Variants in NVL observed in about 807,000 individuals in gnomAD.
NVL encodes the protein nuclear valosin-containing protein-like.
NVL carries 84 observed loss-of-function variants against 110.2 expected under a neutral mutation model. That is an observed-to-expected ratio of 0.76 (90% confidence interval 0.64 to 0.91). The LOEUF (loss-of-function observed/expected upper bound fraction) is 0.91. Ranked by LOEUF, NVL falls within the 40% of genes least tolerant of loss-of-function variation. NVL has a pLI of 0.00. For synonymous variants in NVL, 354 were observed against 361.1 expected (o/e 0.98, Z 0.22); for missense variants, 882 against 1,035.9 (o/e 0.85, Z 2.04).
Position 224,287,730 on chromosome 1 carries a change from T to G in NVL, c.1794+45A>C. ...ATGCATGGAGCTTTATCTCTGGTCT[T>G]TAATCCATGACATGCCAATAATATT... On this transcript the variant is annotated intron_variant, in intron 14 of 22. Coordinates refer to ENST00000281701, the MANE Select transcript of NVL (RefSeq NM_002533.4). 2.0e-6 allele frequency: 3 copies of G among 1,535,074 alleles called. 1 individual carries two copies. In the South Asian group the frequency reaches 3.4e-5, roughly 17 times the overall value.
chr1:224,281,446 G>A (rs1458043903), intron 15 of NVL, among the ~76,000 whole-genome samples: 2 of 151,578 alleles, frequency 1.3e-5, no homozygotes, highest in South Asian at 2.1e-4. Context: ...GACTACAGGC[G>A]CCCGCCACCA....
intron 18 of NVL, chr1:224,256,862 C>A: frequency 2.7e-6 from 1 of 368,420 alleles, no homozygotes; most frequent in Non-Finnish European, 5.4e-6. Context: ...ATTCCACTTT[C>A]CCACATCCTT....
intron 17 of NVL, among the ~76,000 whole-genome samples, chr1:224,271,586 C>T (rs771227414): frequency 3.3e-5 from 5 of 152,058 alleles, no homozygotes; most frequent in African/African-American, 4.8e-5. Flanking sequence ...TAAATGACAA[C>T]TATTAGCAGT....
chr1:224,240,061 A>ATTTT lies in NVL; in HGVS notation c.2290-3483_2290-3480dup, dbSNP rs34586586. Among the ~76,000 whole-genome samples, 36 of 90,936 alleles carry ATTTT rather than the reference A, an allele frequency of 4.0e-4. 2 individuals are homozygous for ATTTT. Among genetic ancestry groups the ATTTT allele is most frequent in the East Asian group, 3.6e-3 (11 of 3,068 alleles). The allele number at this position is 90,936 out of a possible 152,430, so 59.7% of individuals were successfully genotyped here. A position where few individuals can be genotyped will look rare whatever the true frequency, so the allele number is the denominator to read the frequency against. ...CAGGCATGCGCTACCACGCTGGGTA[A>ATTTT]TTTTTTTTTTTTTTTTTTTTTTGAG... On this transcript the variant is annotated intron_variant, in intron 19 of 22. Transcript: ENST00000281701.
At position 224,330,154 on chromosome 1, in the gene NVL, G is replaced by T. The variant is rs16846702; in HGVS notation, c.-27C>A. On this transcript the variant is annotated 5_prime_UTR_variant, in exon 1 of 23. Coordinates refer to ENST00000281701, the MANE Select transcript of NVL (RefSeq NM_002533.4). ...GCGTCGGTCTTCCAAGCCACAGCTC[G>T]GACCGCCAGCTCCTAGTCAACCGGG... 5,979 of 1,613,150 alleles carry T rather than the reference G, an allele frequency of 3.7e-3. 176 individuals carry two copies. In the African/African-American group the frequency reaches 0.065, roughly 18 times the overall value.
rs536870102 is a variant in NVL at position 224,241,862 on chromosome 1, A to T, written c.2290-5280T>A. On this transcript the variant is annotated intron_variant, in intron 19 of 22. Coordinates refer to ENST00000281701, the MANE Select transcript of NVL (RefSeq NM_002533.4). Reference sequence around the variant, plus strand: ...CAAGAGTGAGACCTCGTCTCAAAAAAAAAAAAATAAAAAGAAAAAGAAAAA... The same window carrying T: ...CAAGAGTGAGACCTCGTCTCAAAAATAAAAAAATAAAAAGAAAAAGAAAAA... Among the ~76,000 whole-genome samples the T allele has an allele frequency of 2.7e-5, 4 of 150,650 alleles. No individual in the cohort carries two copies. The East Asian group carries it at 8.0e-4, about 30-fold the overall frequency.
intron 16 of NVL, among the ~76,000 whole-genome samples, chr1:224,278,752 A>C (rs908377160): frequency 6.6e-6 from 1 of 150,926 alleles, no homozygotes; most frequent in African/African-American, 2.4e-5. Context: ...TTTTTTTTTG[A>C]GACAGGATGT....
intron 19 of NVL, among the ~76,000 whole-genome samples, chr1:224,247,369 C>A (rs1661972633): frequency 6.6e-6 from 1 of 151,884 alleles, no homozygotes; most frequent in Non-Finnish European, 1.5e-5. Context: ...CTATGCCCAA[C>A]TAATTAAAAA....
At chr1:224,309,695 A>G (rs1254751598) in intron 5 of NVL, among the ~76,000 whole-genome samples, 3 of 152,176 alleles carry the variant, frequency 2.0e-5, no homozygotes, top group Non-Finnish European at 4.4e-5. Context: ...AAAGCAATTA[A>G]AAAACACAGT....
Position 224,245,010 on chromosome 1 carries a change from T to C in NVL, c.2289+5202A>G, listed in dbSNP as rs150511857. On this transcript the variant is annotated intron_variant, in intron 19 of 22. Transcript: ENST00000281701. ...CCACTCGCTCTTCTTTTACAAAACTTAGATCCCAAAAGATATGAAGAAGTT... is the reference window on the plus strand; with the variant it reads ...CCACTCGCTCTTCTTTTACAAAACTCAGATCCCAAAAGATATGAAGAAGTT... 6.4e-3 allele frequency among the ~76,000 whole-genome samples: 969 copies of C among 152,248 alleles called. 9 individuals carry two copies. Among genetic ancestry groups the C allele is most frequent in the African/African-American group, 0.021 (884 of 41,562 alleles).
intron 6 of NVL, among the ~76,000 whole-genome samples, chr1:224,307,137 T>C (rs1447747533): frequency 6.6e-6 from 1 of 152,208 alleles, no homozygotes; most frequent in Non-Finnish European, 1.5e-5. Context: ...TAATGAGATG[T>C]TTTACATTCT....
chr1:224,278,293 G>A (rs1273049146), intron 16 of NVL, among the ~76,000 whole-genome samples: 1 of 146,040 alleles, frequency 6.8e-6, no homozygotes, highest in African/African-American at 2.6e-5. Context: ...GTGCAGTGGC[G>A]TGATCTCTGC....
At chr1:224,300,781 T>C (rs1333450085) in intron 9 of NVL, 118 bp from the exon 10 acceptor site, 1 of 694,490 alleles carries the variant, frequency 1.4e-6, no homozygotes, top group Non-Finnish European at 2.4e-6. Flanking sequence ...CATCTTTTTA[T>C]GTTGGCCCAG....
chr1:224,294,858 G>A (rs548025628), intron 11 of NVL, among the ~76,000 whole-genome samples: 4 of 152,322 alleles, frequency 2.6e-5, no homozygotes, highest in South Asian at 2.1e-4. Flanking sequence ...AAGAGTATTA[G>A]TGAAAGCACA....
chr1:224,288,394 G>T (rs1667069229), intron 13 of NVL, among the ~76,000 whole-genome samples: 1 of 152,044 alleles, frequency 6.6e-6, no homozygotes, highest in South Asian at 2.1e-4. Flanking sequence ...CATTAATATG[G>T]TTCCTTGATG....
At chr1:224,227,703 C>A in intron 22 of NVL, 33 bp from the exon 23 acceptor site, 1 of 1,597,344 alleles carries the variant, frequency 6.3e-7, no homozygotes, top group Non-Finnish European at 8.6e-7. Context: ...ATACAGAGAC[C>A]GTCACTGCTT....
rs780829037 is a variant in NVL, at chr1:224,289,438, C to T, written c.1575+46G>A. Reference sequence around the variant, plus strand: ...ACCCTTGCTTCAATGTAAGATAACACAAAGAACATTAAAAGGACAATTTAA... The same window carrying T: ...ACCCTTGCTTCAATGTAAGATAACATAAAGAACATTAAAAGGACAATTTAA... On this transcript the variant is annotated intron_variant, in intron 13 of 22. Coordinates refer to ENST00000281701, the MANE Select transcript of NVL (RefSeq NM_002533.4). The T allele has an allele frequency of 9.4e-6, 15 of 1,599,902 alleles. No homozygotes were observed. In the African/African-American group the frequency reaches 2.0e-4, roughly 22 times the overall value.
intron 19 of NVL, among the ~76,000 whole-genome samples, chr1:224,240,036 C>T (rs1269592119): frequency 6.7e-6 from 1 of 148,596 alleles, no homozygotes; most frequent in Admixed American, 6.8e-5. Flanking sequence ...GCTGGGATTA[C>T]AGGCATGCGC....
intron 20 of NVL, among the ~76,000 whole-genome samples, chr1:224,234,774 G>A (rs1043445371): frequency 1.3e-5 from 2 of 152,108 alleles, no homozygotes; most frequent in South Asian, 2.1e-4. Flanking sequence ...CTGTAGTGGT[G>A]TAGTGTCTCT....
Sources: gnomAD v4.1 joint callset for allele counts (sites outside exome capture counted in the v4.1 genomes callset) on GRCh38, gnomAD v4.1.1 for gene constraint, MANE v1.5 for transcripts, NCBI Gene and HGNC (gene_info 2026-07-23, HGNC 2026-07-21) for gene names.